Variants in NELL1 observed in about 807,000 individuals in gnomAD.
NELL1 encodes the protein neural EGFL like 1.
Under a neutral mutation model 107.4 loss-of-function variants are expected in NELL1, and 76 were observed. That is an observed-to-expected ratio of 0.71 (90% CI 0.59 to 0.86). The LOEUF (loss-of-function observed/expected upper bound fraction) is 0.86, where lower values mean the gene tolerates loss of function less well. Among genes scored for constraint, NELL1 ranks in the 40% least tolerant of loss-of-function variants. The probability of loss-of-function intolerance (pLI) is 0.00; values close to 1 mark genes in which losing one functional copy is unlikely to be tolerated. For missense variants in NELL1, 1,024 were observed against 1,005.5 expected, an observed-to-expected ratio of 1.02 and a Z score of -0.25; for synonymous variants, 353 against 341.2, an observed-to-expected ratio of 1.03 and a Z score of -0.38.
At chr11:21,532,583 C>T (rs1020975215) in intron 15 of NELL1, among the ~76,000 whole-genome samples, 25 of 152,142 alleles carry the variant, frequency 1.6e-4, no homozygotes, top group African/African-American at 4.8e-4. Context: ...TTTCCCAAAA[C>T]GCTAACCATG....
At chr11:21,454,378 G>A (rs1052006555) in intron 15 of NELL1, among the ~76,000 whole-genome samples, 21 of 151,800 alleles carry the variant, frequency 1.4e-4, no homozygotes, top group African/African-American at 4.6e-4. Context: ...GAATAATGCC[G>A]CAATAAACAT....
intron 3 of NELL1, among the ~76,000 whole-genome samples, chr11:20,818,406 CTTTTTTTTTTTTT>C: frequency 9.2e-6 from 1 of 108,688 alleles, no homozygotes; most frequent in African/African-American, 3.3e-5. Context: ...GCAACCCCTG[CTTTTTTTTTTTTT>C]TTTTTTTTTT....
chr11:21,502,030 G>A (rs574557707), intron 15 of NELL1, among the ~76,000 whole-genome samples: 97 of 152,192 alleles, frequency 6.4e-4, no homozygotes, highest in Non-Finnish European at 9.9e-4. Flanking sequence ...GTATTGTCAG[G>A]AACAGAATTT....
At chr11:21,280,039 G>T (rs1479148189) in intron 14 of NELL1, among the ~76,000 whole-genome samples, 1 of 152,152 alleles carries the variant, frequency 6.6e-6, no homozygotes, top group Non-Finnish European at 1.5e-5. Flanking sequence ...ATCTTCAGGG[G>T]ATTCCAGAGG....
intron 14 of NELL1, among the ~76,000 whole-genome samples, chr11:21,336,257 G>T (rs932712900): frequency 6.6e-6 from 1 of 151,856 alleles, no homozygotes; most frequent in African/African-American, 2.4e-5. Context: ...CAAATACTTA[G>T]TGTTTACTGT....
At chr11:21,551,035 T>A (rs889192472) in intron 16 of NELL1, among the ~76,000 whole-genome samples, 28 of 150,922 alleles carry the variant, frequency 1.9e-4, no homozygotes, top group African/African-American at 5.4e-4. Context: ...GGTTTGTAGT[T>A]CTCCTTGAAC....
intron 13 of NELL1, among the ~76,000 whole-genome samples, chr11:21,136,170 G>A (rs554977420): frequency 2.0e-5 from 3 of 152,250 alleles, no homozygotes; most frequent in East Asian, 3.9e-4. Context: ...GATAGTATGA[G>A]CCCTGAAAAG....
intron 15 of NELL1, among the ~76,000 whole-genome samples, chr11:21,485,804 G>C (rs1240343692): frequency 1.3e-5 from 2 of 151,982 alleles, no homozygotes; most frequent in Non-Finnish European, 2.9e-5. Flanking sequence ...CTGCTGTCCT[G>C]GTCCCACCCC....
chr11:20,929,469 C>G (rs1489718629), intron 9 of NELL1, among the ~76,000 whole-genome samples: 1 of 151,610 alleles, frequency 6.6e-6, no homozygotes, highest in Admixed American at 6.6e-5. Flanking sequence ...CACACTGCAC[C>G]CATTGCTCTG....
At chr11:20,830,662 G>A (rs567149919) in intron 3 of NELL1, among the ~76,000 whole-genome samples, 44 of 152,230 alleles carry the variant, frequency 2.9e-4, no homozygotes, top group Middle Eastern at 3.4e-3. Flanking sequence ...TAGACTCTTG[G>A]TGTAATAAAA....
chr11:21,386,418 A>G (rs1851746475), intron 15 of NELL1, among the ~76,000 whole-genome samples: 1 of 151,778 alleles, frequency 6.6e-6, no homozygotes, highest in Non-Finnish European at 1.5e-5. Context: ...CATAAACTAG[A>G]TGGTTCATTT....
chr11:21,005,193 A>G (rs1167563881), intron 12 of NELL1, among the ~76,000 whole-genome samples: 1 of 152,166 alleles, frequency 6.6e-6, no homozygotes. Context: ...CGATATGATG[A>G]TTTTCCACAA....
At chr11:21,539,607 C>A (rs1856238995) in intron 16 of NELL1, among the ~76,000 whole-genome samples, 1 of 151,340 alleles carries the variant, frequency 6.6e-6, no homozygotes, top group Admixed American at 6.6e-5. Flanking sequence ...TCTGAGTGTC[C>A]CCAGCCAAAC....
At chr11:20,905,296 C>T (rs937461827) in intron 5 of NELL1, among the ~76,000 whole-genome samples, 2 of 152,086 alleles carry the variant, frequency 1.3e-5, no homozygotes, top group African/African-American at 4.8e-5. Flanking sequence ...ACTCAGCAAA[C>T]CCCAGTAAAG....
chr11:21,154,000 C>T (rs1856177074), intron 13 of NELL1, among the ~76,000 whole-genome samples: 1 of 152,064 alleles, frequency 6.6e-6, no homozygotes, highest in Non-Finnish European at 1.5e-5. Context: ...TTAAAGAGCC[C>T]ATGTGTGGCA....
intron 14 of NELL1, among the ~76,000 whole-genome samples, chr11:21,336,688 C>CACACACAT (rs1229656676): frequency 9.1e-4 from 136 of 150,136 alleles, no homozygotes; most frequent in African/African-American, 3.1e-3. Context: ...CACACACACA[C>CACACACAT]ACATTAAACA....
chr11:21,221,827 G>A (rs1469273460), intron 13 of NELL1, among the ~76,000 whole-genome samples: 1 of 152,000 alleles, frequency 6.6e-6, no homozygotes, highest in Non-Finnish European at 1.5e-5. Flanking sequence ...CGAGTAGTTG[G>A]AACTGCTGGT....
intron 2 of NELL1, among the ~76,000 whole-genome samples, chr11:20,688,707 G>A (rs1854372079): frequency 6.6e-6 from 1 of 152,082 alleles, no homozygotes; most frequent in Non-Finnish European, 1.5e-5. Flanking sequence ...ACGAGTACAT[G>A]TGTTTTTTGG....
chr11:20,787,090 G>A (rs1273913693), intron 3 of NELL1, among the ~76,000 whole-genome samples: 2 of 147,956 alleles, frequency 1.4e-5, no homozygotes, highest in African/African-American at 5.0e-5. Flanking sequence ...AGACAAGTAC[G>A]AAAAATCTCA....
Sources: gnomAD v4.1 joint callset for allele counts (sites outside exome capture counted in the v4.1 genomes callset) on GRCh38, gnomAD v4.1.1 for gene constraint, MANE v1.5 for transcripts, NCBI Gene and HGNC (gene_info 2026-07-23, HGNC 2026-07-21) for gene names.